Variants in GSE1 observed in about 807,000 individuals in gnomAD.
The protein encoded by GSE1 is genetic suppressor element 1.
In GSE1, 32 loss-of-function variants were observed where a neutral mutation model predicts 112.6. That is an observed-to-expected ratio of 0.28 (90% CI 0.21 to 0.38). The LOEUF is 0.38. GSE1 is among the 10% of genes least tolerant of loss of function. The probability of loss-of-function intolerance (pLI) is 1.00; values close to 1 mark genes in which losing one functional copy is unlikely to be tolerated. For missense variants in GSE1, 2,348 were observed against 1,699.2 expected (o/e 1.38, Z -6.71); for synonymous variants, 1,115 against 735.6 (o/e 1.52, Z -8.35).
At chr16:85,423,173 T>C (rs1475651608) in intron 2 of GSE1, among the ~76,000 whole-genome samples, 21 of 152,202 alleles carry the variant, frequency 1.4e-4, no homozygotes, top group Non-Finnish European at 3.1e-4. Flanking sequence ...TGCTCACCTT[T>C]TGTGCTGGAA....
At chr16:85,200,448 C>A (rs946822380) in intron 1 of GSE1, among the ~76,000 whole-genome samples, 2 of 151,874 alleles carry the variant, frequency 1.3e-5, no homozygotes, top group Non-Finnish European at 2.9e-5. Context: ...TTAGAGAGGT[C>A]ATGTGGTTTC....
chr16:85,235,771 G>A (rs1021188886), intron 1 of GSE1, among the ~76,000 whole-genome samples: 8 of 151,980 alleles, frequency 5.3e-5, no homozygotes, highest in Non-Finnish European at 1.2e-4. Context: ...GAAGCGTGGC[G>A]GGTGCCAGGC....
chr16:85,582,948 G>T (rs1033281017), intron 1 of GSE1, among the ~76,000 whole-genome samples: 2 of 152,178 alleles, frequency 1.3e-5, no homozygotes, highest in African/African-American at 2.4e-5. Flanking sequence ...AAAGTCGGAG[G>T]ATTACTGTGG....
Position 85,675,823 on chromosome 16 carries a change from A to C in GSE1, c.*3284A>C, listed in dbSNP as rs1247340064. On this transcript the variant is annotated 3_prime_UTR_variant, in exon 16 of 16. Transcript: ENST00000253458. ...ATATTAGCCACTTAGCAATCTCTAT[A>C]TTCTTTCAAGTAACCAAGCTGTTGA... The C allele has an allele frequency of 6.6e-6, 1 of 152,206 alleles. No individual in the cohort carries two copies. 9.4% of individuals were successfully genotyped at this position (152,206 alleles called of 1,614,324 possible). A position where few individuals can be genotyped will look rare whatever the true frequency, so the allele number is the denominator to read the frequency against.
intron 2 of GSE1, among the ~76,000 whole-genome samples, chr16:85,393,438 TGTCTGATGTC>T (rs749336838): frequency 1.4e-3 from 213 of 152,246 alleles, no homozygotes; most frequent in Non-Finnish European, 2.6e-3. Context: ...ATGGGAGAAA[TGTCTGATGTC>T]GTTACAGCTC....
At chr16:85,241,594 G>A (rs1017326779) in intron 1 of GSE1, among the ~76,000 whole-genome samples, 4 of 152,062 alleles carry the variant, frequency 2.6e-5, no homozygotes, top group Non-Finnish European at 2.9e-5. Context: ...TCAATTACCC[G>A]GTGTGGTCTC....
In GSE1 at chr16:85,374,865, G is replaced by A. The variant is rs144537510; in HGVS notation, c.2464+17222G>A. Among the ~76,000 whole-genome samples, 368 of 152,268 alleles carry A rather than the reference G, an allele frequency of 2.4e-3. 3 individuals are homozygous for A. Among genetic ancestry groups the A allele is most frequent in the African/African-American group, 8.3e-3 (344 of 41,550 alleles). ...TGTGGGGTGAAGACAAATGAGGGACGAAGACAGTCCTTCCTCTCGTCACTC... is the reference window on the plus strand; with the variant it reads ...TGTGGGGTGAAGACAAATGAGGGACAAAGACAGTCCTTCCTCTCGTCACTC... On this transcript the variant is annotated intron_variant, in intron 2 of 2. Transcript: ENST00000637419.
chr16:85,282,041 T>C (rs938342863), intron 1 of GSE1, among the ~76,000 whole-genome samples: 11 of 151,730 alleles, frequency 7.2e-5, no homozygotes, highest in African/African-American at 2.7e-4. Context: ...CTTTTTTTTT[T>C]TTTTGAGACA....
chr16:85,208,638 T>A (rs4783150), intron 1 of GSE1, among the ~76,000 whole-genome samples: 9,951 of 151,832 alleles, frequency 0.066, 357 homozygotes, highest in East Asian at 0.14. Flanking sequence ...CCACTTAGCC[T>A]CAGGCTCTGT....
exon 1 of GSE1, chr16:85,170,585 G>C: frequency 1.0e-6 from 1 of 985,538 alleles, no homozygotes; most frequent in African/African-American, 1.7e-5. Context: ...CGTGTCCCCC[G>C]GGCTCTCCAG....
intron 2 of GSE1, among the ~76,000 whole-genome samples, chr16:85,545,492 TGA>T (rs965833079): frequency 6.6e-6 from 1 of 152,128 alleles, no homozygotes; most frequent in Admixed American, 6.5e-5. Context: ...CACAGAGAGA[TGA>T]GAGAGTTGAA....
intron 2 of GSE1, among the ~76,000 whole-genome samples, chr16:85,361,502 C>T (rs1312115076): frequency 2.0e-5 from 3 of 152,258 alleles, no homozygotes; most frequent in Admixed American, 2.0e-4. Flanking sequence ...CCTCTCAGCC[C>T]TCTCTGCCCT....
At chr16:85,553,539 C>T (rs887817047), upstream of GSE1, among the ~76,000 whole-genome samples, 7 of 150,936 alleles carry the variant, frequency 4.6e-5, no homozygotes, top group African/African-American at 1.5e-4. Context: ...TGGGAGGGGG[C>T]GCCAGGCGGG....
chr16:85,588,953 TCACA>T (rs1405861312), intron 1 of GSE1, among the ~76,000 whole-genome samples: 3 of 152,060 alleles, frequency 2.0e-5, no homozygotes, highest in Non-Finnish European at 2.9e-5. Flanking sequence ...TCACACATAT[TCACA>T]CACACGTTCA....
Position 85,675,467 on chromosome 16 carries a change from G to T in GSE1, c.*2928G>T, listed in dbSNP as rs2096724441. On this transcript the variant is annotated 3_prime_UTR_variant, in exon 16 of 16. Coordinates refer to ENST00000253458, the MANE Select transcript of GSE1 (RefSeq NM_014615.5). ...CCAAGACGGGACTTTCCACATTTTA[G>T]TCTACATTCTAATCTTAAAGGAATA... is the stretch of plus-strand genomic sequence containing the variant. 1 of 152,144 alleles carries T rather than the reference G, an allele frequency of 6.6e-6. No individual in the cohort carries two copies. Among genetic ancestry groups the T allele is most frequent in the African/African-American group, 2.4e-5 (1 of 41,410 alleles). The allele number at this position is 152,144 out of a possible 1,614,324, so 9.4% of individuals were successfully genotyped here. A position where few individuals can be genotyped will look rare whatever the true frequency, so the allele number is the denominator to read the frequency against.
chr16:85,655,754 C>T lies in GSE1; in HGVS notation c.826C>T (p.Leu276=). ...GGACGACTCCTACTGCCTGTCTGCC[C>T]TGAGGTCCCCGTTCTACCCCATCCC... ...RMDDSYCLSA[L]RSPFYPIPTP... Residue 276 remains leucine, a synonymous_variant, in exon 6 of 16, where the codon CTG becomes TTG. Transcript: ENST00000253458. The T allele has an allele frequency of 1.2e-6, 2 of 1,608,786 alleles. No homozygotes were observed. The highest frequency in any genetic ancestry group is 1.7e-6 in the Non-Finnish European group (2 of 1,177,778).
Position 85,673,488 on chromosome 16 carries a change from A to C in GSE1, c.*949A>C, listed in dbSNP as rs548119096. ...TTGGTTTTTTTTGGGCAAAAAAAAA[A>C]AAAAAACCTTGCTTTTAGTGTTTGT... is the stretch of plus-strand genomic sequence containing the variant. On this transcript the variant is annotated 3_prime_UTR_variant, in exon 16 of 16. Transcript: ENST00000253458. 11 of 152,514 alleles carry C rather than the reference A, an allele frequency of 7.2e-5. No homozygotes were observed. The highest frequency in any genetic ancestry group is 2.6e-4 in the African/African-American group (11 of 41,510). The allele number at this position is 152,514 out of a possible 1,614,324, so 9.4% of individuals were successfully genotyped here.
chr16:85,331,355 GTGTGTGTGTGTATATATGTA>G (rs1359490948), intron 1 of GSE1, among the ~76,000 whole-genome samples: 12 of 57,344 alleles, frequency 2.1e-4, no homozygotes, highest in African/African-American at 6.1e-4. Context: ...GTGTGTGTGT[GTGTGTGTGTGTATATATGTA>G]TATATATGTA....
intron 1 of GSE1, among the ~76,000 whole-genome samples, chr16:85,254,005 AG>A (rs1906797528): frequency 6.6e-6 from 1 of 152,132 alleles, no homozygotes; most frequent in African/African-American, 2.4e-5. Context: ...ATGGAGCTGG[AG>A]CAAAAATAGA....
Sources: allele counts gnomAD v4.1 joint callset (sites outside exome capture counted in the v4.1 genomes callset), GRCh38; gene constraint gnomAD v4.1.1; transcripts MANE v1.5; gene names NCBI Gene and HGNC (gene_info 2026-07-23, HGNC 2026-07-21).